SYT1: variants seen among roughly 807,000 people sequenced by gnomAD.
SYT1 encodes the protein synaptotagmin-1.
Under a neutral mutation model 44.8 loss-of-function variants are expected in SYT1, and 8 were observed. The ratio of observed to expected loss-of-function variants is 0.18; its 90% confidence interval spans 0.10 to 0.32. The LOEUF is 0.32. Ranked by LOEUF, SYT1 falls within the 10% of genes least tolerant of loss-of-function variation. SYT1 has a pLI of 1.00. For synonymous variants in SYT1, 154 were observed against 188.8 expected (o/e 0.82, Z 1.51); for missense variants, 286 against 509.3 (o/e 0.56, Z 4.22).
intron 1 of SYT1, among the ~76,000 whole-genome samples, chr12:78,903,348 C>T (rs963474331): frequency 6.6e-6 from 1 of 151,806 alleles, no homozygotes; most frequent in Non-Finnish European, 1.5e-5. Context: ...CACAGTGGCA[C>T]GATCTTGGCT....
intron 3 of SYT1, among the ~76,000 whole-genome samples, chr12:79,199,365 A>T (rs1873646129): frequency 6.6e-6 from 1 of 152,114 alleles, no homozygotes; most frequent in Admixed American, 6.6e-5. Context: ...CCCCTCTTTC[A>T]AAATTGAATG....
chr12:79,367,868 A>G (rs1425430276), intron 9 of SYT1, among the ~76,000 whole-genome samples: 1 of 152,088 alleles, frequency 6.6e-6, no homozygotes, highest in Non-Finnish European at 1.5e-5. Context: ...AATATTGCTT[A>G]TTAGTCCTAC....
chr12:79,001,658 C>T (rs1870749576), intron 2 of SYT1, among the ~76,000 whole-genome samples: 1 of 152,144 alleles, frequency 6.6e-6, no homozygotes, highest in South Asian at 2.1e-4. Flanking sequence ...CTGAAAGGCA[C>T]TCCATACTAC....
intron 3 of SYT1, among the ~76,000 whole-genome samples, chr12:79,179,033 TAGATATAGATATAG>T (rs1872136430): frequency 1.7e-4 from 3 of 17,614 alleles, no homozygotes; most frequent in South Asian, 1.2e-3. Flanking sequence ...TATAGATATA[TAGATATAGATATAG>T]ATATATAGAT....
rs372280642 is a variant in SYT1, at chr12:79,323,623, T to C, written c.810+24072T>C. Reference sequence around the variant, plus strand: ...CCTTTAGCTGTCATATCTGAAATACTATACATACACATATTCATGGATGCC... The same window carrying C: ...CCTTTAGCTGTCATATCTGAAATACCATACATACACATATTCATGGATGCC... On this transcript the variant is annotated intron_variant, in intron 8 of 10. Coordinates refer to ENST00000261205, the MANE Select transcript of SYT1 (RefSeq NM_005639.3). Among the ~76,000 whole-genome samples the C allele has an allele frequency of 1.2e-4, 19 of 152,298 alleles. 1 individual carries two copies. In the East Asian group the frequency reaches 3.1e-3, roughly 25 times the overall value.
chr12:78,918,939 C>T (rs1002483231), intron 1 of SYT1, among the ~76,000 whole-genome samples: 1 of 151,838 alleles, frequency 6.6e-6, no homozygotes, highest in African/African-American at 2.4e-5. Flanking sequence ...TTTTTAAATT[C>T]TTAACTAATT....
chr12:79,291,886 A>G, intron 5 of SYT1, 122 bp from the exon 6 acceptor site: 1 of 1,201,952 alleles, frequency 8.3e-7, no homozygotes, highest in Non-Finnish European at 1.2e-6. Context: ...GTGTCAGACA[A>G]ACAGATTTCC....
At chr12:79,291,472 A>G (rs1879578341) in intron 5 of SYT1, among the ~76,000 whole-genome samples, 1 of 152,186 alleles carries the variant, frequency 6.6e-6, no homozygotes, top group African/African-American at 2.4e-5. Flanking sequence ...TTTTCATACC[A>G]TGATAAATGT....
intron 9 of SYT1, among the ~76,000 whole-genome samples, chr12:79,415,489 A>C (rs570405942): frequency 6.6e-6 from 1 of 152,294 alleles, no homozygotes; most frequent in African/African-American, 2.4e-5. Context: ...GAAAGTGGAG[A>C]CAGTAAAGCC....
intron 2 of SYT1, among the ~76,000 whole-genome samples, chr12:79,005,564 GGAAGCCCTTCA>G (rs2137547430): frequency 6.6e-6 from 1 of 152,052 alleles, no homozygotes; most frequent in South Asian, 2.1e-4. Flanking sequence ...TCTGAGTATA[GGAAGCCCTTCA>G]GAAGTGATTT....
intron 8 of SYT1, among the ~76,000 whole-genome samples, chr12:79,340,575 A>G (rs926796156): frequency 6.6e-6 from 1 of 152,172 alleles, no homozygotes; most frequent in African/African-American, 2.4e-5. Context: ...GGGCTGAGAC[A>G]ATGGGGTTTT....
chr12:79,118,953 T>C (rs937086866), intron 3 of SYT1, among the ~76,000 whole-genome samples: 1 of 152,216 alleles, frequency 6.6e-6, no homozygotes, highest in African/African-American at 2.4e-5. Flanking sequence ...CTCTTCCTTG[T>C]CCCTAGACAT....
At chr12:79,229,084 C>T (rs1479049949) in intron 4 of SYT1, among the ~76,000 whole-genome samples, 1 of 152,108 alleles carries the variant, frequency 6.6e-6, no homozygotes, top group Admixed American at 6.5e-5. Context: ...TCTTCGTATC[C>T]CCCACATCTT....
chr12:79,122,439 G>A (rs921833580), intron 3 of SYT1, among the ~76,000 whole-genome samples: 2 of 145,608 alleles, frequency 1.4e-5, no homozygotes, highest in Non-Finnish European at 3.0e-5. Flanking sequence ...GCGTGAACCC[G>A]GGAGGCGGAG....
intron 3 of SYT1, among the ~76,000 whole-genome samples, chr12:79,209,605 G>A (rs2138529022): frequency 6.6e-6 from 1 of 152,280 alleles, no homozygotes; most frequent in Middle Eastern, 3.4e-3. Context: ...CTTCAGCAAG[G>A]CAGCTGCTTT....
At chr12:79,408,680 C>T (rs1868317816) in intron 9 of SYT1, among the ~76,000 whole-genome samples, 1 of 151,406 alleles carries the variant, frequency 6.6e-6, no homozygotes, top group African/African-American at 2.4e-5. Context: ...TGAATTTGTC[C>T]TGGCGCCTCC....
intron 2 of SYT1, chr12:79,046,284 G>T (rs1160546318): frequency 6.6e-6 from 1 of 152,158 alleles, no homozygotes; most frequent in Admixed American, 6.6e-5. Flanking sequence ...TAGAGCTGCT[G>T]ATATTAAAAT....
chr12:78,924,933 T>G (rs117367992), intron 1 of SYT1, among the ~76,000 whole-genome samples: 2 of 151,958 alleles, frequency 1.3e-5, no homozygotes, highest in East Asian at 3.9e-4. Flanking sequence ...TTGTTGCTAC[T>G]GGGTGTCATT....
intron 4 of SYT1, among the ~76,000 whole-genome samples, chr12:79,253,398 C>T (rs1877332965): frequency 6.6e-6 from 1 of 151,722 alleles, no homozygotes; most frequent in African/African-American, 2.4e-5. Flanking sequence ...ATTGGGGGCA[C>T]CAAGAACTAT....
Sources: gnomAD v4.1 joint callset for allele counts (sites outside exome capture counted in the v4.1 genomes callset) on GRCh38, gnomAD v4.1.1 for gene constraint, MANE v1.5 for transcripts, NCBI Gene and HGNC (gene_info 2026-07-23, HGNC 2026-07-21) for gene names.